The following CCDC85A variants were observed in gnomAD, a reference collection of about 807,000 sequenced individuals.
CCDC85A encodes coiled-coil domain containing 85A.
In CCDC85A, 38 loss-of-function variants were observed where a neutral mutation model predicts 50.2. That is an observed-to-expected ratio of 0.76 (90% CI 0.58 to 0.99). The LOEUF (loss-of-function observed/expected upper bound fraction) is 0.99, where lower values mean the gene tolerates loss of function less well. Among genes scored for constraint, CCDC85A ranks in the 50% least tolerant of loss-of-function variants. The probability of loss-of-function intolerance (pLI) is 0.00; values close to 1 mark genes in which losing one functional copy is unlikely to be tolerated. For missense variants in CCDC85A, 820 were observed against 742.0 expected (o/e 1.11, Z -1.22); for synonymous variants, 366 against 301.4 (o/e 1.21, Z -2.22).
intron 2 of CCDC85A, among the ~76,000 whole-genome samples, chr2:56,241,564 A>C (rs1669260701): frequency 6.6e-6 from 1 of 152,096 alleles, no homozygotes; most frequent in African/African-American, 2.4e-5. Context: ...TAGCTCCCAC[A>C]AATAAGTGAG....
At chr2:56,285,504 T>C (rs1055554656) in intron 2 of CCDC85A, among the ~76,000 whole-genome samples, 2 of 145,938 alleles carry the variant, frequency 1.4e-5, no homozygotes, top group African/African-American at 5.0e-5. Flanking sequence ...ATAATATTAT[T>C]ATAGTATATT....
intron 2 of CCDC85A, among the ~76,000 whole-genome samples, chr2:56,323,529 G>A (rs889277548): frequency 1.3e-5 from 2 of 151,958 alleles, no homozygotes; most frequent in African/African-American, 4.8e-5. Flanking sequence ...GTTTGAGAAA[G>A]TTCCAAATGC....
At chr2:56,236,032 T>A (rs766763276) in intron 2 of CCDC85A, among the ~76,000 whole-genome samples, 6 of 152,144 alleles carry the variant, frequency 3.9e-5, no homozygotes, top group Non-Finnish European at 8.8e-5. Flanking sequence ...AAGAGTGAGA[T>A]GTTCAGTTTG....
At chr2:56,226,683 T>G (rs951220558) in intron 2 of CCDC85A, among the ~76,000 whole-genome samples, 1 of 152,138 alleles carries the variant, frequency 6.6e-6, no homozygotes, top group African/African-American at 2.4e-5. Context: ...TCTTCATCTT[T>G]AGGTCTCCCA....
intron 2 of CCDC85A, among the ~76,000 whole-genome samples, chr2:56,200,760 A>G (rs1169514492): frequency 6.6e-6 from 1 of 152,222 alleles, no homozygotes; most frequent in East Asian, 1.9e-4. Context: ...TTATTCACAG[A>G]TGGCTGTTCA....
intron 2 of CCDC85A, among the ~76,000 whole-genome samples, chr2:56,302,914 C>A (rs1672273213): frequency 6.6e-6 from 1 of 152,128 alleles, no homozygotes; most frequent in Non-Finnish European, 1.5e-5. Context: ...TGAGACAAAT[C>A]AACAGGCTTC....
chr2:56,277,047 G>T (rs1670981344), intron 2 of CCDC85A, among the ~76,000 whole-genome samples: 1 of 152,132 alleles, frequency 6.6e-6, no homozygotes, highest in Non-Finnish European at 1.5e-5. Flanking sequence ...GAGCTGCTGG[G>T]ACTCTCTGAG....
Position 56,184,821 on chromosome 2 carries a change from C to T in CCDC85A, c.197C>T (p.Ala66Val). ...CGCGCCGAGGCGGAGAAGGTGAGCG[C>T]GATGCTGGACCACAGCAACCTCATC... is the stretch of plus-strand genomic sequence containing the variant. ...LRRAEAEKVSAMLDHSNLIRE... is the reference protein window; with the variant it reads ...LRRAEAEKVSVMLDHSNLIRE... Residue 66 changes from alanine (A) to valine (V), a missense_variant, in exon 1 of 6, where the codon GCG (alanine) becomes GTG (valine). Ala to Val is a moderately conservative substitution (Grantham distance 64). Transcript: ENST00000407595. The T allele has an allele frequency of 1.3e-6, 2 of 1,544,916 alleles. No homozygotes were observed. The highest frequency in any genetic ancestry group is 2.5e-5 in the East Asian group (1 of 40,604).
chr2:56,334,834 AAG>A (rs917093109), intron 2 of CCDC85A, among the ~76,000 whole-genome samples: 21 of 152,320 alleles, frequency 1.4e-4, no homozygotes, highest in African/African-American at 4.8e-4. Flanking sequence ...ACACAGAGCT[AAG>A]AGAGCTCTGG....
intron 2 of CCDC85A, among the ~76,000 whole-genome samples, chr2:56,295,536 G>A (rs1346501847): frequency 6.6e-6 from 1 of 152,230 alleles, no homozygotes; most frequent in African/African-American, 2.4e-5. Flanking sequence ...GGATGCCACT[G>A]GAGTTCACCA....
chr2:56,322,280 C>G (rs1034928324), intron 2 of CCDC85A, among the ~76,000 whole-genome samples: 29 of 152,018 alleles, frequency 1.9e-4, no homozygotes, highest in Non-Finnish European at 2.9e-5. Context: ...AGCAAAAGCC[C>G]AAATTGACAA....
At chr2:56,223,081 G>C (rs1668396905) in intron 2 of CCDC85A, among the ~76,000 whole-genome samples, 1 of 152,152 alleles carries the variant, frequency 6.6e-6, no homozygotes, top group South Asian at 2.1e-4. Context: ...CTTAAAGACA[G>C]TAGTCCACAA....
At chr2:56,351,509 A>G (rs1674938722) in intron 3 of CCDC85A, among the ~76,000 whole-genome samples, 1 of 141,564 alleles carries the variant, frequency 7.1e-6, no homozygotes, top group Non-Finnish European at 1.5e-5. Context: ...CCTCTCCAGC[A>G]CTTGTTGTCT....
At chr2:56,379,693 C>A in intron 5 of CCDC85A, 1 of 538,814 alleles carries the variant, frequency 1.9e-6, no homozygotes, top group African/African-American at 2.1e-5. Context: ...ATGGTTTTAT[C>A]ATAACTAACA....
intron 2 of CCDC85A, among the ~76,000 whole-genome samples, chr2:56,327,653 G>C (rs1673543437): frequency 1.3e-5 from 2 of 151,866 alleles, no homozygotes; most frequent in Non-Finnish European, 2.9e-5. Flanking sequence ...TATTCAGCAT[G>C]GTATAGTTCA....
intron 2 of CCDC85A, among the ~76,000 whole-genome samples, chr2:56,340,876 C>CAAAAA (rs61603853): frequency 2.1e-4 from 12 of 58,212 alleles, no homozygotes; most frequent in Non-Finnish European, 2.3e-4. Context: ...AACTCCATCT[C>CAAAAA]AAAAAAAAAA....
intron 2 of CCDC85A, among the ~76,000 whole-genome samples, chr2:56,253,024 A>T (rs1193320180): frequency 6.6e-6 from 1 of 151,270 alleles, no homozygotes; most frequent in Non-Finnish European, 1.5e-5. Context: ...ATCTCAAAAT[A>T]AATAAATAAA....
chr2:56,328,946 C>T (rs1312422550), intron 2 of CCDC85A, among the ~76,000 whole-genome samples: 1 of 152,098 alleles, frequency 6.6e-6, no homozygotes, highest in East Asian at 1.9e-4. Flanking sequence ...TTTTAAAATA[C>T]AAATCAGATT....
rs1407849460 is a variant in CCDC85A at position 56,193,280 on chromosome 2, G to C, written c.1080G>C (p.Glu360Asp). Residue 360 changes from glutamate (E) to aspartate (D), a missense_variant, in exon 2 of 6, where the codon GAG (glutamate) becomes GAC (aspartate). Coordinates refer to ENST00000407595, the MANE Select transcript of CCDC85A (RefSeq NM_001080433.2). ...HLPRARGTSP[E>D]HLKQHYGGSP... ...CCAGAGCCAGGGGCACCAGCCCGGAGCACCTCAAACAACATTATGGAGGGA... is the reference window on the plus strand; with the variant it reads ...CCAGAGCCAGGGGCACCAGCCCGGACCACCTCAAACAACATTATGGAGGGA... 1.2e-6 allele frequency: 2 copies of C among 1,613,798 alleles called. No homozygotes were observed. The highest frequency in any genetic ancestry group is 2.7e-5 in the African/African-American group (2 of 74,906).
Sources: gnomAD v4.1 joint callset for allele counts (sites outside exome capture counted in the v4.1 genomes callset) on GRCh38, gnomAD v4.1.1 for gene constraint, MANE v1.5 for transcripts, NCBI Gene and HGNC (gene_info 2026-07-23, HGNC 2026-07-21) for gene names.